The following CABCOCO1 variants were observed in gnomAD, a reference collection of about 807,000 sequenced individuals.
The protein encoded by CABCOCO1 is ciliary associated calcium binding coiled-coil 1, also known as ciliary-associated calcium-binding coiled-coil protein 1.
Under a neutral mutation model 35.7 loss-of-function variants are expected in CABCOCO1, and 28 were observed. The ratio of observed to expected loss-of-function variants is 0.78; its 90% CI spans 0.58 to 1.07. The LOEUF is 1.07. Ranked by LOEUF, CABCOCO1 falls within the 50% of genes least tolerant of loss-of-function variation. The probability of loss-of-function intolerance (pLI) is 0.00; values close to 1 mark genes in which losing one functional copy is unlikely to be tolerated. For missense variants in CABCOCO1, 326 were observed against 309.2 expected (o/e 1.05, Z -0.41); for synonymous variants, 95 against 100.1 (o/e 0.95, Z 0.30).
chr10:61,725,791 C>T (rs1259148552), intron 5 of CABCOCO1, among the ~76,000 whole-genome samples: 2 of 151,824 alleles, frequency 1.3e-5, no homozygotes. Context: ...TAAAAATATA[C>T]TTCTGCATGT....
intron 5 of CABCOCO1, among the ~76,000 whole-genome samples, chr10:61,746,509 G>A (rs959137569): frequency 6.6e-6 from 1 of 152,126 alleles, no homozygotes; most frequent in Non-Finnish European, 1.5e-5. Context: ...GATTATGAGT[G>A]TACAGTGTCA....
chr10:61,750,097 G>A (rs1005444188), intron 5 of CABCOCO1, among the ~76,000 whole-genome samples: 6 of 152,018 alleles, frequency 3.9e-5, no homozygotes, highest in South Asian at 2.1e-4. Context: ...GACCAGAGGA[G>A]GCTCACGGAA....
intron 6 of CABCOCO1, among the ~76,000 whole-genome samples, chr10:61,760,660 C>T (rs1378177019): frequency 6.6e-6 from 1 of 151,958 alleles, no homozygotes; most frequent in Non-Finnish European, 1.5e-5. Flanking sequence ...GCATGCGGGC[C>T]TTAAAACCTA....
rs112711452 is a variant in CABCOCO1, at chr10:61,676,032, T to C, written c.164+3297T>C. On this transcript the variant is annotated intron_variant, in intron 2 of 7. Transcript: ENST00000648843. ...TGGGATAAATTTAAAGCAAGTCACC[T>C]AAACAGGAAAATAACAGGCCTCAGA... Among the ~76,000 whole-genome samples the C allele has an allele frequency of 5.2e-3, 796 of 152,290 alleles. 8 individuals are homozygous for C. The highest frequency in any genetic ancestry group is 0.017 in the African/African-American group (717 of 41,570).
chr10:61,749,644 G>A (rs1841737978), intron 5 of CABCOCO1, among the ~76,000 whole-genome samples: 2 of 152,272 alleles, frequency 1.3e-5, no homozygotes, highest in South Asian at 4.1e-4. Flanking sequence ...TTCTGAACCT[G>A]TATTTCCTCA....
chr10:61,727,982 A>G (rs1227733560), intron 5 of CABCOCO1, among the ~76,000 whole-genome samples: 1 of 152,228 alleles, frequency 6.6e-6, no homozygotes, highest in Non-Finnish European at 1.5e-5. Flanking sequence ...CATTTACATT[A>G]GCATCTGTTA....
At chr10:61,715,526 T>C (rs1029652262) in intron 5 of CABCOCO1, among the ~76,000 whole-genome samples, 5 of 152,192 alleles carry the variant, frequency 3.3e-5, no homozygotes, top group African/African-American at 1.2e-4. Flanking sequence ...AAGGTTAATA[T>C]TGTTGTGTGT....
chr10:61,689,912 G>A (rs1485098259), intron 4 of CABCOCO1, among the ~76,000 whole-genome samples: 3 of 152,054 alleles, frequency 2.0e-5, no homozygotes, highest in African/African-American at 7.2e-5. Context: ...GTTCTTTATA[G>A]TTTTTGTATG....
At position 61,690,599 on chromosome 10, in the gene CABCOCO1, A is replaced by G. The variant is rs751837382; in HGVS notation, c.530A>G (p.Glu177Gly). Residue 177 changes from glutamate (E) to glycine (G), a missense_variant, in exon 5 of 8, where the codon GAA becomes GGA. Transcript: ENST00000648843. ...LYEFMFYSAR[E>G]EIVIGTEQVI... Reference sequence around the variant, plus strand: ...GAGTTTATGTTCTACTCTGCCAGGGAAGAAATTGTGATAGGAACTGAGGTA... The same window carrying G: ...GAGTTTATGTTCTACTCTGCCAGGGGAGAAATTGTGATAGGAACTGAGGTA... 13 of 1,604,968 alleles carry G rather than the reference A, an allele frequency of 8.1e-6. No individual in the cohort carries two copies. The South Asian group carries it at 1.3e-4, about 16-fold the overall frequency.
intron 4 of CABCOCO1, among the ~76,000 whole-genome samples, chr10:61,686,963 T>G (rs185320368): frequency 4.3e-4 from 65 of 152,326 alleles, no homozygotes; most frequent in African/African-American, 1.4e-3. Flanking sequence ...CATAATATTT[T>G]TGTTCCTCTT....
intron 3 of CABCOCO1, 41 bp downstream of exon 3, chr10:61,681,353 T>A (rs1274414643): frequency 1.4e-6 from 2 of 1,401,980 alleles, no homozygotes; most frequent in Non-Finnish European, 2.0e-6. Flanking sequence ...CAAATTTAAT[T>A]TACCATATAA....
At chr10:61,703,025 T>G (rs1840499892) in intron 5 of CABCOCO1, among the ~76,000 whole-genome samples, 1 of 152,024 alleles carries the variant, frequency 6.6e-6, no homozygotes, top group African/African-American at 2.4e-5. Context: ...GGAAGTTACT[T>G]TTTCTTCTAT....
intron 5 of CABCOCO1, among the ~76,000 whole-genome samples, chr10:61,723,539 T>C (rs1841073584): frequency 6.6e-6 from 1 of 152,182 alleles, no homozygotes; most frequent in Admixed American, 6.5e-5. Context: ...ACAGGCTAGA[T>C]GATGGAAACA....
chr10:61,736,659 T>C (rs1238331415), intron 5 of CABCOCO1, among the ~76,000 whole-genome samples: 8 of 152,156 alleles, frequency 5.3e-5, no homozygotes, highest in African/African-American at 1.4e-4. Flanking sequence ...TCAAAATAAT[T>C]TTCTCTAGTT....
At chr10:61,706,211 G>A (rs1840588752) in intron 5 of CABCOCO1, among the ~76,000 whole-genome samples, 1 of 151,970 alleles carries the variant, frequency 6.6e-6, no homozygotes, top group Non-Finnish European at 1.5e-5. Flanking sequence ...AATAAATACT[G>A]CTAACCAAAT....
At chr10:61,749,732 G>A (rs554398824) in intron 5 of CABCOCO1, among the ~76,000 whole-genome samples, 33 of 152,286 alleles carry the variant, frequency 2.2e-4, no homozygotes, top group African/African-American at 5.5e-4. Context: ...AGTTAGGTGC[G>A]TGGGTTTCAG....
intron 1 of CABCOCO1, among the ~76,000 whole-genome samples, chr10:61,665,852 A>C (rs1839154913): frequency 6.7e-6 from 1 of 149,878 alleles, no homozygotes; most frequent in Non-Finnish European, 1.5e-5. Context: ...GCGCCACTGC[A>C]CTCCAGCCTG....
chr10:61,690,748 C>T (rs969597978), intron 5 of CABCOCO1, 127 bp downstream of exon 5: 92 of 553,660 alleles, frequency 1.7e-4, no homozygotes, highest in Middle Eastern at 1.2e-3. Context: ...ATAATCAACT[C>T]GTAGTTTGCA....
intron 2 of CABCOCO1, among the ~76,000 whole-genome samples, chr10:61,677,068 A>AATAATAATAAGAATAAT (rs375409640): frequency 6.9e-6 from 1 of 144,302 alleles, no homozygotes; most frequent in African/African-American, 2.5e-5. Flanking sequence ...CTGTCTCAAA[A>AATAATAATAAGAATAAT]AATAATAATA....
Sources: allele counts gnomAD v4.1 joint callset (sites outside exome capture counted in the v4.1 genomes callset), GRCh38; gene constraint gnomAD v4.1.1; transcripts MANE v1.5; gene names NCBI Gene and HGNC (gene_info 2026-07-23, HGNC 2026-07-21).